Variants in ABLIM1 observed in about 807,000 individuals in gnomAD.
The protein encoded by ABLIM1 is actin binding LIM protein 1.
Under a neutral mutation model 107.0 loss-of-function variants are expected in ABLIM1, and 40 were observed. The ratio of observed to expected loss-of-function variants is 0.37; its 90% CI spans 0.29 to 0.49. ABLIM1 has a LOEUF of 0.49. Among genes scored for constraint, ABLIM1 ranks in the 20% least tolerant of loss-of-function variants. ABLIM1 has a pLI of 0.97. For missense variants in ABLIM1, 857 were observed against 1,008.5 expected, an observed-to-expected ratio of 0.85 and a Z score of 2.04; for synonymous variants, 357 against 357.3, an observed-to-expected ratio of 1.00 and a Z score of 0.01.
chr10:114,547,874 C>T lies in ABLIM1; in HGVS notation c.674-98G>A. 2.1e-6 allele frequency: 3 copies of T among 1,440,464 alleles called. No homozygotes were observed. In the South Asian group the frequency reaches 3.9e-5, roughly 19 times the overall value. 89.2% of individuals were successfully genotyped at this position (1,440,464 alleles called of 1,614,324 possible). A position where few individuals can be genotyped will look rare whatever the true frequency, so the allele number is the denominator to read the frequency against. On this transcript the variant is annotated intron_variant, in intron 4 of 22. Coordinates refer to ENST00000533213, the MANE Select transcript of ABLIM1 (RefSeq NM_002313.7). ...CCCCACTGTGTGCCCATCACACACT[C>T]AATCAATATTTACTCAAGCACCATC...
the ABLIM1 span, among the ~76,000 whole-genome samples, chr10:114,781,726 A>T: frequency 1.3e-5 from 2 of 149,490 alleles, no homozygotes; most frequent in Non-Finnish European, 3.0e-5. Context: ...TAGGTGCTCT[A>T]ATGATTGAAA....
intron 1 of ABLIM1, among the ~76,000 whole-genome samples, chr10:114,649,367 G>T (rs1325809051): frequency 6.6e-6 from 1 of 151,050 alleles, no homozygotes. Context: ...ACACCAGTGT[G>T]CTCCAGCCTG....
intron 6 of ABLIM1, among the ~76,000 whole-genome samples, chr10:114,505,784 C>T (rs143180352): frequency 1.6e-3 from 243 of 152,302 alleles, no homozygotes; most frequent in African/African-American, 5.3e-3. Flanking sequence ...CTCCTTCCCC[C>T]ATGAATTATA....
chr10:114,532,991 C>A (rs891644763), intron 6 of ABLIM1, among the ~76,000 whole-genome samples: 19 of 152,158 alleles, frequency 1.2e-4, no homozygotes, highest in Admixed American at 3.3e-4. Context: ...CCAAAAAATT[C>A]TGTTTCCCTC....
At chr10:114,640,755 T>C (rs2078706261) in intron 1 of ABLIM1, among the ~76,000 whole-genome samples, 1 of 152,186 alleles carries the variant, frequency 6.6e-6, no homozygotes, top group South Asian at 2.1e-4. Context: ...CATTAATAAT[T>C]TAAAATTTTA....
At chr10:114,721,515 T>C (rs1324789866) in intron 1 of ABLIM1, among the ~76,000 whole-genome samples, 1 of 152,036 alleles carries the variant, frequency 6.6e-6, no homozygotes, top group Non-Finnish European at 1.5e-5. Context: ...ACAGTCTCCC[T>C]CTGTCACACA....
chr10:114,607,540 C>A (rs372183994), intron 1 of ABLIM1, among the ~76,000 whole-genome samples: 6 of 152,278 alleles, frequency 3.9e-5, no homozygotes, highest in African/African-American at 1.2e-4. Context: ...AATGCCCCAG[C>A]CACATGAGCA....
At chr10:114,618,641 A>G (rs2077277727) in intron 1 of ABLIM1, among the ~76,000 whole-genome samples, 1 of 152,192 alleles carries the variant, frequency 6.6e-6, no homozygotes, top group African/African-American at 2.4e-5. Flanking sequence ...CCCCCAACTC[A>G]GATGAGAACA....
chr10:114,760,559 T>C (rs1454479061), intron 1 of ABLIM1, among the ~76,000 whole-genome samples: 1 of 152,072 alleles, frequency 6.6e-6, no homozygotes. Context: ...GGCAAAAAGG[T>C]AATGAAATTA....
At chr10:114,516,560 C>G (rs572429599) in intron 6 of ABLIM1, among the ~76,000 whole-genome samples, 3 of 152,182 alleles carry the variant, frequency 2.0e-5, no homozygotes, top group Non-Finnish European at 4.4e-5. Context: ...GTTTCGCATC[C>G]AAGTACCCTG....
Position 114,619,687 on chromosome 10 carries a change from G to T in ABLIM1, c.245-17726C>A, listed in dbSNP as rs1048616158. On this transcript the variant is annotated intron_variant, in intron 1 of 22. Coordinates refer to ENST00000533213, the MANE Select transcript of ABLIM1 (RefSeq NM_002313.7). This position sits in a 1 kb window ranked among gnomAD's most constrained non-coding sequence, Gnocchi z 4.1. ...AAAAGCAAGGAAACAAGGTAAGCGTGGTGAACACAAAGAGGAGAGGCAGAC... is the reference window on the plus strand; with the variant it reads ...AAAAGCAAGGAAACAAGGTAAGCGTTGTGAACACAAAGAGGAGAGGCAGAC... Among the ~76,000 whole-genome samples, 9 of 152,170 alleles carry T rather than the reference G, an allele frequency of 5.9e-5. No homozygotes were observed. The highest frequency in any genetic ancestry group is 2.0e-4 in the Admixed American group (3 of 15,278).
chr10:114,507,944 A>G (rs2061375079), intron 6 of ABLIM1, among the ~76,000 whole-genome samples: 1 of 152,178 alleles, frequency 6.6e-6, no homozygotes, highest in South Asian at 2.1e-4. Flanking sequence ...ACCTTAGTCT[A>G]AGTTAGCTGG....
chr10:114,749,803 G>A (rs1436950346), intron 1 of ABLIM1, among the ~76,000 whole-genome samples: 5 of 151,776 alleles, frequency 3.3e-5, no homozygotes, highest in African/African-American at 9.7e-5. Flanking sequence ...TCTTCCCTCT[G>A]CCTAGAATAC....
At chr10:114,551,352 G>C (rs925872084) in intron 4 of ABLIM1, among the ~76,000 whole-genome samples, 13 of 152,252 alleles carry the variant, frequency 8.5e-5, no homozygotes, top group Admixed American at 5.2e-4. Context: ...AAAGACCACT[G>C]TTAGGGGATA....
At chr10:114,734,501 C>T (rs1356916215) in intron 1 of ABLIM1, among the ~76,000 whole-genome samples, 3 of 152,098 alleles carry the variant, frequency 2.0e-5, no homozygotes, top group Non-Finnish European at 4.4e-5. Context: ...CACAACACCC[C>T]CGCAACTCTC....
intron 1 of ABLIM1, among the ~76,000 whole-genome samples, chr10:114,620,924 A>T (rs1251090813): frequency 1.3e-5 from 2 of 152,056 alleles, no homozygotes; most frequent in African/African-American, 2.4e-5. Flanking sequence ...GGCTCCACTC[A>T]GGTCACCTGC....
At chr10:114,518,389 A>C (rs2063227360) in intron 6 of ABLIM1, among the ~76,000 whole-genome samples, 1 of 151,946 alleles carries the variant, frequency 6.6e-6, no homozygotes, top group African/African-American at 2.4e-5. Context: ...AACCACATGC[A>C]ATGGGCCAGA....
intron 4 of ABLIM1, among the ~76,000 whole-genome samples, chr10:114,550,054 T>A (rs2067858047): frequency 6.6e-6 from 1 of 152,174 alleles, no homozygotes; most frequent in Non-Finnish European, 1.5e-5. Flanking sequence ...ATGTAAAAAA[T>A]TTGACTATTT....
the ABLIM1 span, among the ~76,000 whole-genome samples, chr10:114,791,144 C>T: frequency 6.6e-6 from 1 of 152,086 alleles, no homozygotes; most frequent in Non-Finnish European, 1.5e-5. Context: ...GCGATCATAG[C>T]GATCATAGCT....
Sources: gnomAD v4.1 joint callset for allele counts (sites outside exome capture counted in the v4.1 genomes callset) on GRCh38, gnomAD v4.1.1 for gene constraint, Gnocchi (gnomAD v3.1) non-coding constraint, MANE v1.5 for transcripts, NCBI Gene and HGNC (gene_info 2026-07-23, HGNC 2026-07-21) for gene names.